The following FAIM2 variants were observed in gnomAD, a reference collection of about 807,000 sequenced individuals.
The protein encoded by FAIM2 is protein lifeguard 2.
Under a neutral mutation model 47.4 loss-of-function variants are expected in FAIM2, and 27 were observed. The ratio of observed to expected loss-of-function variants is 0.57; its 90% CI spans 0.42 to 0.78. The LOEUF is 0.78. Among genes scored for constraint, FAIM2 ranks in the 30% least tolerant of loss-of-function variants. The pLI, the probability that FAIM2 is intolerant of heterozygous loss-of-function variation, is 0.00. For missense variants in FAIM2, 311 were observed against 389.4 expected, an observed-to-expected ratio of 0.80 and a Z score of 1.69; for synonymous variants, 156 against 159.3, an observed-to-expected ratio of 0.98 and a Z score of 0.16.
chr12:49,889,527 G>A lies in FAIM2; in HGVS notation c.605C>T (p.Thr202Met), dbSNP rs1946884774. 5 of 1,614,016 alleles carry A rather than the reference G, an allele frequency of 3.1e-6. No individual in the cohort carries two copies. Among genetic ancestry groups the A allele is most frequent in the Admixed American group, 1.7e-5 (1 of 60,000 alleles). ...GGTGACTGAGAGGCAGACAAGGGCC[G>A]TGATGCCCAGGCACAGCAGCACGGA... ...TTSVLLCLGI[T>M]ALVCLSVTVF... Residue 202 changes from threonine to methionine, a missense_variant, in exon 9 of 12, where the codon ACG becomes ATG. Thr to Met is a moderately conservative substitution (Grantham distance 81). Coordinates refer to ENST00000320634, the MANE Select transcript of FAIM2 (RefSeq NM_012306.4).
At chr12:49,876,770 T>A (rs1048504834) in intron 11 of FAIM2, among the ~76,000 whole-genome samples, 3 of 146,772 alleles carry the variant, frequency 2.0e-5, no homozygotes, top group South Asian at 2.2e-4. Context: ...AGACTCCATT[T>A]AAAAAAAAAA....
rs1471080505 is a variant in FAIM2, at chr12:49,897,655, T to A, written c.316-72A>T. The stretch of plus-strand genomic sequence containing the variant: ...ACCTGTCAGCCCCGCAGTGACTCAG[T>A]CACCTCTCCAGGTCCCCATCCTGTG... On this transcript the variant is annotated intron_variant, in intron 3 of 11. Transcript: ENST00000320634. The A allele has an allele frequency of 2.5e-5, 29 of 1,151,396 alleles. No homozygotes were observed. In the East Asian group the frequency reaches 2.8e-4, roughly 11 times the overall value. The allele number at this position is 1,151,396 out of a possible 1,614,324, so 71.3% of individuals were successfully genotyped here.
chr12:49,878,087 T>C, intron 11 of FAIM2, among the ~76,000 whole-genome samples: 1 of 135,592 alleles, frequency 7.4e-6, no homozygotes, highest in Non-Finnish European at 1.6e-5. Flanking sequence ...TGTGTGCATG[T>C]GAGTGCATGT....
At position 49,900,207 on chromosome 12, in the gene FAIM2, G is replaced by A. The variant is rs555919706; in HGVS notation, c.211+923C>T. On this transcript the variant is annotated intron_variant, in intron 2 of 11. Coordinates refer to ENST00000320634, the MANE Select transcript of FAIM2 (RefSeq NM_012306.4). ...GTGGGGTGAGTCTTCAGGGGTCTGC[G>A]CCCAGGGGATTTGTAGTGGGAGGTG... The A allele has an allele frequency of 2.1e-4, 276 of 1,287,736 alleles. 2 individuals are homozygous for A. The highest frequency in any genetic ancestry group is 4.2e-4 in the African/African-American group (28 of 65,934). The allele number at this position is 1,287,736 out of a possible 1,614,324, so 79.8% of individuals were successfully genotyped here. A position where few individuals can be genotyped will look rare whatever the true frequency, so the allele number is the denominator to read the frequency against.
chr12:49,878,076 ATG>A (rs1946752863), intron 11 of FAIM2, among the ~76,000 whole-genome samples: 1 of 126,604 alleles, frequency 7.9e-6, no homozygotes. Context: ...ATGTGTGTTT[ATG>A]TGTGCATGTG....
intron 11 of FAIM2, among the ~76,000 whole-genome samples, chr12:49,878,774 A>C (rs1173362239): frequency 1.1e-5 from 1 of 92,456 alleles, no homozygotes; most frequent in Non-Finnish European, 2.0e-5. Context: ...ATTTGTGTGC[A>C]TGAGTGTATG....
chr12:49,870,714 T>TG, intron 11 of FAIM2, 61 bp from the exon 12 acceptor site: 1 of 1,556,946 alleles, frequency 6.4e-7, no homozygotes, highest in Non-Finnish European at 8.8e-7. Context: ...ACACTGACTA[T>TG]GGCAGCCCAG....
At chr12:49,897,676 C>T in intron 3 of FAIM2, 93 bp from the exon 4 acceptor site, 1 of 881,168 alleles carries the variant, frequency 1.1e-6, no homozygotes, top group African/African-American at 1.7e-5. Context: ...GGTCCCCATC[C>T]TGTGCACTCC....
Position 49,874,555 on chromosome 12 carries a change from A to G in FAIM2, c.802-3902T>C, listed in dbSNP as rs1473977369. Among the ~76,000 whole-genome samples, 3 of 152,174 alleles carry G rather than the reference A, an allele frequency of 2.0e-5. No individual in the cohort carries two copies. The highest frequency in any genetic ancestry group is 1.5e-5 in the Non-Finnish European group (1 of 68,022). On this transcript the variant is annotated intron_variant, in intron 11 of 11. Transcript: ENST00000320634. This position sits in a 1 kb window ranked among gnomAD's most constrained non-coding sequence, Gnocchi z 4.2. ...GCCACACATTTGGCCTGACCCTGCC[A>G]TATCTGGGGCCCAGGCTTATGTCCG...
chr12:49,896,776 T>G (rs993846643), intron 5 of FAIM2, among the ~76,000 whole-genome samples: 8 of 152,186 alleles, frequency 5.3e-5, no homozygotes, highest in Non-Finnish European at 8.8e-5. Flanking sequence ...GGCCCGACCC[T>G]TCCCAATTTG....
chr12:49,898,924 G>C (rs1221501614), intron 2 of FAIM2, among the ~76,000 whole-genome samples: 7 of 152,266 alleles, frequency 4.6e-5, no homozygotes, highest in Middle Eastern at 3.4e-3. Flanking sequence ...AGGGCTTCAG[G>C]GGGTGGGGGG....
Position 49,897,596 on chromosome 12 carries a change from G to C in FAIM2, c.316-13C>G, listed in dbSNP as rs777952184. ...GGATGGTGTAGACCTGGGGGTGGGA[G>C]GGGTTCTACTCAGCTTGGGGGGCCC... On this transcript the variant is annotated splice_polypyrimidine_tract_variant and intron_variant, in intron 3 of 11. Coordinates refer to ENST00000320634, the MANE Select transcript of FAIM2 (RefSeq NM_012306.4). The C allele has an allele frequency of 7.8e-5, 126 of 1,610,160 alleles. No homozygotes were observed. The highest frequency in any genetic ancestry group is 1.0e-4 in the Non-Finnish European group (119 of 1,177,808).
intron 11 of FAIM2, among the ~76,000 whole-genome samples, chr12:49,881,590 G>A (rs1453827192): frequency 6.6e-6 from 1 of 152,016 alleles, no homozygotes; most frequent in East Asian, 1.9e-4. Flanking sequence ...GCCCCATCAC[G>A]CCAGCCCCGC....
intron 11 of FAIM2, among the ~76,000 whole-genome samples, chr12:49,871,846 A>C (rs573154215): frequency 3.6e-4 from 55 of 152,018 alleles, no homozygotes; most frequent in Non-Finnish European, 5.9e-4. Flanking sequence ...TTGTATTTTT[A>C]GCAGAGACGG....
intron 1 of FAIM2, 51 bp downstream of exon 1, chr12:49,903,727 A>G (rs1433994359): frequency 7.1e-6 from 11 of 1,549,800 alleles, no homozygotes; most frequent in Non-Finnish European, 8.7e-6. Flanking sequence ...GATGACAGGG[A>G]GCCGGGAGCC....
intron 7 of FAIM2, 104 bp downstream of exon 7, chr12:49,890,579 T>C: frequency 2.8e-6 from 3 of 1,084,078 alleles, no homozygotes; most frequent in Non-Finnish European, 2.9e-6. Context: ...GGACCTCACA[T>C]TGGACATCCC....
chr12:49,900,749 A>G (rs979051041), intron 2 of FAIM2, among the ~76,000 whole-genome samples: 18 of 152,178 alleles, frequency 1.2e-4, no homozygotes, highest in Admixed American at 5.9e-4. Context: ...GGCCAGGCCC[A>G]GTGAAGGCTG....
intron 11 of FAIM2, among the ~76,000 whole-genome samples, chr12:49,875,432 G>C (rs896366156): frequency 1.3e-5 from 2 of 152,148 alleles, no homozygotes; most frequent in African/African-American, 4.8e-5. Flanking sequence ...AGAGGGTGAG[G>C]GGGTGAGGGA....
rs1372977728 is a variant in FAIM2 at position 49,903,797 on chromosome 12, C to T, written c.-5G>A. On this transcript the variant is annotated 5_prime_UTR_variant, in exon 1 of 12. Coordinates refer to ENST00000320634, the MANE Select transcript of FAIM2 (RefSeq NM_012306.4). ...CGGTACCTTTCCCTGGGTCATGGTG[C>T]CGTCTCTCGGGGAAGGGGTCCCTGA... 3 of 1,544,316 alleles carry T rather than the reference C, an allele frequency of 1.9e-6. No homozygotes were observed. Among genetic ancestry groups the T allele is most frequent in the Non-Finnish European group, 2.6e-6 (3 of 1,143,748 alleles).
Sources: gnomAD v4.1 joint callset for allele counts (sites outside exome capture counted in the v4.1 genomes callset) on GRCh38, gnomAD v4.1.1 for gene constraint, Gnocchi (gnomAD v3.1) non-coding constraint, MANE v1.5 for transcripts, NCBI Gene and HGNC (gene_info 2026-07-23, HGNC 2026-07-21) for gene names.